SHQ1: variants seen among roughly 807,000 people sequenced by gnomAD.
SHQ1 encodes the protein protein SHQ1 homolog.
Under a neutral mutation model 53.8 loss-of-function variants are expected in SHQ1, and 49 were observed. The ratio of observed to expected loss-of-function variants is 0.91; its 90% CI spans 0.72 to 1.16. SHQ1 has a LOEUF of 1.16. Ranked by LOEUF, SHQ1 falls within the 50% of genes most tolerant of loss-of-function variation. The pLI, the probability that SHQ1 is intolerant of heterozygous loss-of-function variation, is 0.00. For synonymous variants in SHQ1, 243 were observed against 251.0 expected, an observed-to-expected ratio of 0.97 and a Z score of 0.30; for missense variants, 738 against 683.1, an observed-to-expected ratio of 1.08 and a Z score of -0.90.
intron 9 of SHQ1, chr3:72,795,673 T>C (rs1392892913): frequency 6.6e-6 from 1 of 152,228 alleles, no homozygotes; most frequent in African/African-American, 2.4e-5. Context: ...CTAAAAGTTT[T>C]AAATGTCAAT....
chr3:72,836,620 C>T (rs1708006879), intron 4 of SHQ1, among the ~76,000 whole-genome samples: 1 of 152,116 alleles, frequency 6.6e-6, no homozygotes, highest in South Asian at 2.1e-4. Context: ...AAGCCCCACC[C>T]AGGCTTGTTC....
intron 10 of SHQ1, among the ~76,000 whole-genome samples, chr3:72,785,301 C>G (rs1706194644): frequency 6.6e-6 from 1 of 152,174 alleles, no homozygotes. Context: ...ATAAAGCTCC[C>G]CAGTTTTGCT....
intron 10 of SHQ1, among the ~76,000 whole-genome samples, chr3:72,771,704 G>A (rs938456903): frequency 2.0e-5 from 3 of 152,216 alleles, no homozygotes; most frequent in Non-Finnish European, 2.9e-5. Flanking sequence ...ATGGACAAAG[G>A]TTGGAAATTT....
downstream of SHQ1, among the ~76,000 whole-genome samples, chr3:72,746,211 G>A (rs763733430): frequency 4.6e-5 from 7 of 152,140 alleles, no homozygotes; most frequent in Admixed American, 1.3e-4. Flanking sequence ...CAGTGGAGCT[G>A]GGTTGAATTG....
the SHQ1 span, among the ~76,000 whole-genome samples, chr3:72,728,373 G>C: frequency 6.6e-6 from 1 of 152,176 alleles, no homozygotes; most frequent in South Asian, 2.1e-4. Context: ...ATGTGGGCTC[G>C]ATTTCAGCCT....
chr3:72,734,679 G>T, the SHQ1 span, among the ~76,000 whole-genome samples: 1 of 151,648 alleles, frequency 6.6e-6, no homozygotes, highest in Admixed American at 6.6e-5. Context: ...GAGAATGAAA[G>T]TGTACTAAGT....
chr3:72,779,483 T>G (rs903996626), intron 10 of SHQ1, among the ~76,000 whole-genome samples: 1 of 152,216 alleles, frequency 6.6e-6, no homozygotes, highest in Non-Finnish European at 1.5e-5. Flanking sequence ...GGTTTTAATT[T>G]TACTTTTTGT....
rs745838399 is a variant in SHQ1, at chr3:72,815,327, A to T, written c.936+23T>A. On this transcript the variant is annotated intron_variant, in intron 8 of 10. Transcript: ENST00000325599. Reference sequence around the variant, plus strand: ...TAACTTCCTGAACAACAAATTCTAAACAATTGCAACTGGAAATCATACCTC... The same window carrying T: ...TAACTTCCTGAACAACAAATTCTAATCAATTGCAACTGGAAATCATACCTC... 8.7e-6 allele frequency: 14 copies of T among 1,605,256 alleles called. No homozygotes were observed. The South Asian group carries it at 1.3e-4, about 15-fold the overall frequency.
chr3:72,788,853 CT>C (rs2106783090), intron 10 of SHQ1, among the ~76,000 whole-genome samples: 1 of 152,142 alleles, frequency 6.6e-6, no homozygotes, highest in East Asian at 1.9e-4. Flanking sequence ...GCAAGATGTG[CT>C]TTGTTAAACA....
chr3:72,827,232 G>A (rs1211716075), intron 5 of SHQ1, among the ~76,000 whole-genome samples: 1 of 152,072 alleles, frequency 6.6e-6, no homozygotes, highest in Non-Finnish European at 1.5e-5. Flanking sequence ...GATAGGTTGA[G>A]TATGACATGC....
At chr3:72,727,171 T>TG in the SHQ1 span, among the ~76,000 whole-genome samples, 1 of 152,108 alleles carries the variant, frequency 6.6e-6, no homozygotes, top group African/African-American at 2.4e-5. Context: ...TTCTGGGGCT[T>TG]GGGGATTCAG....
At chr3:72,738,000 C>G in the SHQ1 span, among the ~76,000 whole-genome samples, 1 of 152,194 alleles carries the variant, frequency 6.6e-6, no homozygotes, top group African/African-American at 2.4e-5. Context: ...GGGTTGCCCC[C>G]CAATTCCCCA....
chr3:72,772,446 T>C (rs751762336), intron 10 of SHQ1: 15 of 418,934 alleles, frequency 3.6e-5, no homozygotes, highest in Admixed American at 1.0e-4. Context: ...AAAGATGAGA[T>C]TGTCAGATGT....
intron 7 of SHQ1, among the ~76,000 whole-genome samples, chr3:72,817,022 C>T (rs1373304566): frequency 6.6e-6 from 1 of 152,140 alleles, no homozygotes; most frequent in African/African-American, 2.4e-5. Context: ...GAGACTAATG[C>T]CAAGAGAAAA....
Position 72,775,093 on chromosome 3 carries a change from C to T in SHQ1, c.1181+17823G>A, listed in dbSNP as rs138468187. Among the ~76,000 whole-genome samples the T allele has an allele frequency of 5.1e-3, 777 of 152,046 alleles. 10 individuals carry two copies. The highest frequency in any genetic ancestry group is 0.018 in the African/African-American group (748 of 41,490). On this transcript the variant is annotated intron_variant, in intron 10 of 10. Coordinates refer to ENST00000325599, the MANE Select transcript of SHQ1 (RefSeq NM_018130.3). ...TCATGCCACTGCAGTCCAGCCTGGGCACCAGAATGAGACTCCGTCTCCAAA... is the reference window on the plus strand; with the variant it reads ...TCATGCCACTGCAGTCCAGCCTGGGTACCAGAATGAGACTCCGTCTCCAAA...
chr3:72,767,383 C>T (rs551193969), intron 10 of SHQ1, among the ~76,000 whole-genome samples: 2 of 152,266 alleles, frequency 1.3e-5, no homozygotes, highest in South Asian at 2.1e-4. Flanking sequence ...AGTTGATTAC[C>T]GACATACAAG....
chr3:72,832,497 A>G lies in SHQ1; in HGVS notation c.487-16T>C. 2 of 1,539,676 alleles carry G rather than the reference A, an allele frequency of 1.3e-6. No homozygotes were observed. The highest frequency in any genetic ancestry group is 2.4e-5 in the South Asian group (2 of 84,750). On this transcript the variant is annotated splice_polypyrimidine_tract_variant and intron_variant, in intron 4 of 10. Transcript: ENST00000325599. ...TCAGTTCATCCTGAGGACACCCAGA[A>G]AAGAAAGAATAATTGCTATCTCCTA...
chr3:72,816,622 C>T (rs1407607981), intron 7 of SHQ1, among the ~76,000 whole-genome samples: 2 of 151,810 alleles, frequency 1.3e-5, no homozygotes, highest in African/African-American at 4.8e-5. Flanking sequence ...ACAACAAAGT[C>T]TATATTATTT....
intron 9 of SHQ1, among the ~76,000 whole-genome samples, chr3:72,802,959 C>T (rs1454264293): frequency 6.6e-6 from 1 of 152,180 alleles, no homozygotes. Flanking sequence ...CTCTTACCTC[C>T]TTTGCCTGCC....
Sources: gnomAD v4.1 joint callset for allele counts (sites outside exome capture counted in the v4.1 genomes callset) on GRCh38, gnomAD v4.1.1 for gene constraint, MANE v1.5 for transcripts, NCBI Gene and HGNC (gene_info 2026-07-23, HGNC 2026-07-21) for gene names.